The following SNX7 variants were observed in gnomAD, a reference collection of about 807,000 sequenced individuals.
The protein encoded by SNX7 is sorting nexin 7, also known as sorting nexin-7.
In SNX7, 35 loss-of-function variants were observed where a neutral mutation model predicts 48.4. The observed-to-expected ratio is 0.72, with a 90% CI of 0.55 to 0.96. The LOEUF (loss-of-function observed/expected upper bound fraction) is 0.96, where lower values mean the gene tolerates loss of function less well. SNX7 is among the 40% of genes least tolerant of loss of function. The pLI, the probability that SNX7 is intolerant of heterozygous loss-of-function variation, is 0.00. For synonymous variants in SNX7, 190 were observed against 190.2 expected (o/e 1.00, Z 0.01); for missense variants, 553 against 548.9 (o/e 1.01, Z -0.07).
chr1:98,699,730 T>C (rs958058209), intron 6 of SNX7, among the ~76,000 whole-genome samples: 1 of 152,214 alleles, frequency 6.6e-6, no homozygotes, highest in Non-Finnish European at 1.5e-5. Context: ...TGTTTTGGTC[T>C]GAAAAGCTCA....
At chr1:98,671,267 T>C (rs867796677) in intron 1 of SNX7, among the ~76,000 whole-genome samples, 49 of 152,298 alleles carry the variant, frequency 3.2e-4, no homozygotes, top group African/African-American at 1.0e-3. Flanking sequence ...TAAAGAGTTA[T>C]ATGCTTAAAA....
chr1:98,720,119 C>G (rs12059634), intron 7 of SNX7, among the ~76,000 whole-genome samples: 1,733 of 151,826 alleles, frequency 0.011, 36 homozygotes, highest in African/African-American at 0.04. Flanking sequence ...CATACTGTGT[C>G]AATAATGGAG....
chr1:98,760,218 G>A lies in SNX7; in HGVS notation c.*87G>A, dbSNP rs1478470770. On this transcript the variant is annotated 3_prime_UTR_variant, in exon 9 of 9. Coordinates refer to ENST00000306121, the MANE Select transcript of SNX7 (RefSeq NM_015976.5). ...TCTGGATCTGCCGTGTCCTTATAAA[G>A]TGGATGAAAAATGTTTTGTACCCAT... is the stretch of plus-strand genomic sequence containing the variant. 1.9e-6 allele frequency: 2 copies of A among 1,069,488 alleles called. No homozygotes were observed. Among genetic ancestry groups the A allele is most frequent in the Non-Finnish European group, 2.8e-6 (2 of 703,824 alleles). 66.2% of individuals were successfully genotyped at this position (1,069,488 alleles called of 1,614,324 possible).
chr1:98,756,735 G>A (rs968024662), intron 8 of SNX7, among the ~76,000 whole-genome samples: 4 of 151,722 alleles, frequency 2.6e-5, no homozygotes, highest in African/African-American at 9.7e-5. Flanking sequence ...GCATTTTCTC[G>A]AACTCTTAGC....
rs527681415 is a variant in SNX7, at chr1:98,664,673, T to C, written c.180+2762T>C. Among the ~76,000 whole-genome samples, 16 of 152,200 alleles carry C rather than the reference T, an allele frequency of 1.1e-4. No homozygotes were observed. The South Asian group carries it at 2.7e-3, about 26-fold the overall frequency. The stretch of plus-strand genomic sequence containing the variant: ...TGCTATCACAATCTTATACTCCAGG[T>C]GGGAAGATGTGACAAACTCTAAATG... On this transcript the variant is annotated intron_variant, in intron 1 of 8. Coordinates refer to ENST00000306121, the MANE Select transcript of SNX7 (RefSeq NM_015976.5).
chr1:98,680,071 G>A (rs1213190675), intron 1 of SNX7, among the ~76,000 whole-genome samples: 1 of 152,174 alleles, frequency 6.6e-6, no homozygotes, highest in East Asian at 1.9e-4. Context: ...ACTTCTGACT[G>A]GACATACAGG....
intron 1 of SNX7, 110 bp downstream of exon 1, chr1:98,662,021 C>G: frequency 8.7e-7 from 1 of 1,147,784 alleles, no homozygotes; most frequent in Non-Finnish European, 1.1e-6. Context: ...GGCGGTGGCT[C>G]TGAGCTGGGG....
At chr1:98,664,334 C>A (rs1163343207) in intron 1 of SNX7, among the ~76,000 whole-genome samples, 2 of 152,202 alleles carry the variant, frequency 1.3e-5, no homozygotes. Flanking sequence ...TCACAACCAG[C>A]CTGGCCAACA....
chr1:98,742,869 A>T (rs1031144181), intron 8 of SNX7, among the ~76,000 whole-genome samples: 1 of 152,092 alleles, frequency 6.6e-6, no homozygotes, highest in South Asian at 2.1e-4. Flanking sequence ...CACAATGATT[A>T]AAATGAATAG....
At chr1:98,670,918 G>A (rs1289085943) in intron 1 of SNX7, among the ~76,000 whole-genome samples, 1 of 151,024 alleles carries the variant, frequency 6.6e-6, no homozygotes, top group Admixed American at 6.6e-5. Flanking sequence ...CAGGAGCAAT[G>A]AGGAAAGTTA....
At chr1:98,669,881 T>C (rs1414557338) in intron 1 of SNX7, among the ~76,000 whole-genome samples, 1 of 152,222 alleles carries the variant, frequency 6.6e-6, no homozygotes, top group Non-Finnish European at 1.5e-5. Context: ...TAAATAGATA[T>C]TATTTCTCTT....
chr1:98,663,265 T>G (rs1276582414), intron 1 of SNX7, among the ~76,000 whole-genome samples: 16 of 53,026 alleles, frequency 3.0e-4, no homozygotes, highest in South Asian at 1.2e-3. Flanking sequence ...TTTTTTTTTT[T>G]TTTTTTTTTT....
intron 8 of SNX7, among the ~76,000 whole-genome samples, chr1:98,759,343 A>G (rs936182650): frequency 3.3e-5 from 5 of 152,084 alleles, no homozygotes; most frequent in Admixed American, 1.3e-4. Flanking sequence ...TAAACTTCAT[A>G]CAGATACTTG....
chr1:98,674,033 T>G (rs1353380488), intron 1 of SNX7, among the ~76,000 whole-genome samples: 1 of 152,200 alleles, frequency 6.6e-6, no homozygotes, highest in South Asian at 2.1e-4. Context: ...GTTTTATTTA[T>G]TTCAGTGGTA....
upstream of SNX7, among the ~76,000 whole-genome samples, chr1:98,661,335 G>A (rs1241338256): frequency 6.6e-6 from 1 of 150,764 alleles, no homozygotes; most frequent in South Asian, 2.1e-4. Flanking sequence ...TTCCAGCCTC[G>A]CTGTGGATCC....
At chr1:98,749,446 A>G (rs67694167) in intron 8 of SNX7, among the ~76,000 whole-genome samples, 1 of 152,018 alleles carries the variant, frequency 6.6e-6, no homozygotes, top group East Asian at 1.9e-4. Context: ...TTCTTGAGAG[A>G]TATGTAAAAG....
intron 5 of SNX7, 81 bp from the exon 6 acceptor site, chr1:98,698,625 C>A: frequency 8.4e-7 from 1 of 1,196,700 alleles, no homozygotes; most frequent in Non-Finnish European, 1.2e-6. Flanking sequence ...AGAAATAAGG[C>A]CCTTTCTTAC....
At chr1:98,702,251 G>GT (rs1295543232) in intron 7 of SNX7, among the ~76,000 whole-genome samples, 1 of 151,962 alleles carries the variant, frequency 6.6e-6, no homozygotes, top group Non-Finnish European at 1.5e-5. Context: ...CTTTTTTATA[G>GT]TTTTTTGAGA....
rs765656443 is a variant in SNX7 at position 98,691,205 on chromosome 1, T to C, written c.474+20T>C. The C allele has an allele frequency of 2.6e-6, 4 of 1,531,682 alleles. No homozygotes were observed. Among genetic ancestry groups the C allele is most frequent in the Non-Finnish European group, 3.6e-6 (4 of 1,122,224 alleles). The allele number at this position is 1,531,682 out of a possible 1,614,324, so 94.9% of individuals were successfully genotyped here. ...ATTCCAGTAAGTTTGCAAAATTTTT[T>C]TTTTCATAGAATAGCTACCAGTTTT... On this transcript the variant is annotated intron_variant, in intron 3 of 8. Coordinates refer to ENST00000306121, the MANE Select transcript of SNX7 (RefSeq NM_015976.5).
Sources: allele counts gnomAD v4.1 joint callset (sites outside exome capture counted in the v4.1 genomes callset), GRCh38; gene constraint gnomAD v4.1.1; transcripts MANE v1.5; gene names NCBI Gene and HGNC (gene_info 2026-07-23, HGNC 2026-07-21).